Variants in ANKRD17 observed in about 807,000 individuals in gnomAD.
The protein encoded by ANKRD17 is ankyrin repeat domain-containing protein 17.
A neutral mutation model predicts 229.7 loss-of-function variants in ANKRD17; 19 were observed. The observed-to-expected ratio is 0.08, with a 90% CI of 0.06 to 0.12. The LOEUF is 0.12. Ranked by LOEUF, ANKRD17 falls within the 10% of genes least tolerant of loss-of-function variation. The pLI, the probability that ANKRD17 is intolerant of heterozygous loss-of-function variation, is 1.00. For missense variants in ANKRD17, 2,176 were observed against 3,176.8 expected (o/e 0.68, Z 7.57); for synonymous variants, 1,112 against 1,146.1 (o/e 0.97, Z 0.60).
At chr4:73,243,279 A>G (rs983837317) in intron 1 of ANKRD17, among the ~76,000 whole-genome samples, 1 of 152,346 alleles carries the variant, frequency 6.6e-6, no homozygotes, top group African/African-American at 2.4e-5. Context: ...TTTCAGAAAG[A>G]TTAGCCTAAT....
intron 25 of ANKRD17, chr4:73,101,103 T>C: frequency 3.5e-6 from 3 of 846,650 alleles, no homozygotes; most frequent in Non-Finnish European, 4.3e-6. Flanking sequence ...TTTATGCAAA[T>C]ATTACACCAT....
chr4:73,121,693 G>C lies in ANKRD17; in HGVS notation c.3559C>G (p.Leu1187Val). ...EHRNVSDYTP[L>V]SLAASGGYVN... is the part of the protein sequence containing the mutation. ...TAGCCACCAGAAGCAGCCAGACTTA[G>C]AGGTGTGTAATCAGAAACATTCCTG... Residue 1187 changes from leucine to valine, a missense_variant, in exon 19 of 34, where the codon CTA (leucine) becomes GTA (valine). This residue lies in a region of ANKRD17 where 178 missense variants were observed against 421.7 expected (regional missense o/e 0.42). Coordinates refer to ENST00000358602, the MANE Select transcript of ANKRD17 (RefSeq NM_032217.5). The C allele has an allele frequency of 1.2e-6, 2 of 1,613,754 alleles. No homozygotes were observed. Among genetic ancestry groups the C allele is most frequent in the Non-Finnish European group, 1.7e-6 (2 of 1,179,806 alleles).
intron 16 of ANKRD17, among the ~76,000 whole-genome samples, chr4:73,130,858 G>A (rs995481731): frequency 3.3e-5 from 5 of 152,048 alleles, no homozygotes; most frequent in African/African-American, 1.2e-4. Context: ...TTAACTTGTG[G>A]TATTCAGTTC....
chr4:73,191,339 A>ATGTGTGTGTGTGTGTGTGTGTGTGTG (rs1203366910), intron 1 of ANKRD17, among the ~76,000 whole-genome samples: 26 of 60,852 alleles, frequency 4.3e-4, no homozygotes, highest in South Asian at 3.9e-3. Context: ...CAAAAAATAT[A>ATGTGTGTGTGTGTGTGTGTGTGTGTG]TATGTGTGTG....
At chr4:73,174,610 C>G (rs1734491754) in intron 2 of ANKRD17, among the ~76,000 whole-genome samples, 1 of 152,024 alleles carries the variant, frequency 6.6e-6, no homozygotes, top group African/African-American at 2.4e-5. Context: ...AACAGACAAC[C>G]AAACTGATAA....
At chr4:73,107,508 T>C (rs1286736874) in intron 24 of ANKRD17, among the ~76,000 whole-genome samples, 2 of 152,140 alleles carry the variant, frequency 1.3e-5, no homozygotes, top group African/African-American at 2.4e-5. Flanking sequence ...AGGTGATAAG[T>C]GCAATGTAAA....
chr4:73,157,065 TA>T (rs1731755784), intron 3 of ANKRD17, among the ~76,000 whole-genome samples: 1 of 152,168 alleles, frequency 6.6e-6, no homozygotes, highest in Admixed American at 6.5e-5. Flanking sequence ...AGAAAGAACA[TA>T]AAATTTTAAA....
At chr4:73,252,890 CAGA>C (rs1745149634) in intron 1 of ANKRD17, among the ~76,000 whole-genome samples, 1 of 151,968 alleles carries the variant, frequency 6.6e-6, no homozygotes, top group Non-Finnish European at 1.5e-5. Flanking sequence ...GTGAGTTTTT[CAGA>C]AGAACTGGAA....
At position 73,097,234 on chromosome 4, in the gene ANKRD17, A is replaced by G. The variant is rs1723400844; in HGVS notation, c.5060T>C (p.Leu1687Pro). ...ETISEGTSNS[L>P]STCTKSGPSP... ...TGGACCAGATTTTGTACAAGTAGATAGAGAATTACTGGTCCCTTCACTGAT... is the reference window on the plus strand; with the variant it reads ...TGGACCAGATTTTGTACAAGTAGATGGAGAATTACTGGTCCCTTCACTGAT... The change falls in exon 27 of 34, where the codon CTA (leucine) becomes CCA (proline). Residue 1687 changes from leucine (L) to proline (P), a missense_variant. Physicochemically the swap from Leu to Pro is moderately conservative, Grantham distance 98. Coordinates refer to ENST00000358602, the MANE Select transcript of ANKRD17 (RefSeq NM_032217.5). 1 of 1,604,228 alleles carries G rather than the reference A, an allele frequency of 6.2e-7. No homozygotes were observed.
At chr4:73,133,914 T>C (rs1009173778) in intron 16 of ANKRD17, among the ~76,000 whole-genome samples, 1 of 152,158 alleles carries the variant, frequency 6.6e-6, no homozygotes, top group Non-Finnish European at 1.5e-5. Flanking sequence ...CTAAATGAAG[T>C]GACTAAACAA....
At chr4:73,136,174 GT>G (rs1048001557) in intron 15 of ANKRD17, among the ~76,000 whole-genome samples, 1 of 152,082 alleles carries the variant, frequency 6.6e-6, no homozygotes, top group African/African-American at 2.4e-5. Context: ...TATTTCTGGA[GT>G]TGATAGGTGA....
chr4:73,098,835 G>A, intron 25 of ANKRD17: 2 of 1,528,206 alleles, frequency 1.3e-6, no homozygotes, highest in Non-Finnish European at 1.8e-6. Context: ...AGTGAGTCGA[G>A]CTTGAAGTCC....
At chr4:73,078,336 C>G (rs997923546) in intron 31 of ANKRD17, among the ~76,000 whole-genome samples, 1 of 151,612 alleles carries the variant, frequency 6.6e-6, no homozygotes, top group Non-Finnish European at 1.5e-5. Context: ...GAGATTGTGC[C>G]GCTGCAGTCC....
At chr4:73,144,723 C>G (rs1480990861) in intron 11 of ANKRD17, 22 bp downstream of exon 11, 1 of 1,495,790 alleles carries the variant, frequency 6.7e-7, no homozygotes, top group East Asian at 2.4e-5. Context: ...CAAAAAAAGA[C>G]AACTGTTTTA....
chr4:73,128,590 G>T (rs139634819), intron 16 of ANKRD17, among the ~76,000 whole-genome samples: 165 of 152,206 alleles, frequency 1.1e-3, no homozygotes, highest in African/African-American at 3.7e-3. Context: ...TATATTCAAA[G>T]CACTCTACTA....
chr4:73,118,878 G>GTTTT, intron 21 of ANKRD17, 28 bp from the exon 22 acceptor site: 1 of 946,396 alleles, frequency 1.1e-6, no homozygotes, highest in Non-Finnish European at 1.5e-6. Context: ...AGATAGCATT[G>GTTTT]TCTTTTTTTT....
chr4:73,151,132 T>C (rs1578200028), intron 7 of ANKRD17, among the ~76,000 whole-genome samples: 1 of 152,274 alleles, frequency 6.6e-6, no homozygotes, highest in Non-Finnish European at 1.5e-5. Context: ...CACCTTGGTC[T>C]CCCAAAATGC....
At chr4:73,193,770 C>CA (rs1300830580) in intron 1 of ANKRD17, among the ~76,000 whole-genome samples, 1 of 152,004 alleles carries the variant, frequency 6.6e-6, no homozygotes, top group East Asian at 1.9e-4. Context: ...CCCATCTCCA[C>CA]AAAAAATACA....
At chr4:73,124,084 G>A (rs1392537355) in intron 18 of ANKRD17, among the ~76,000 whole-genome samples, 2 of 151,476 alleles carry the variant, frequency 1.3e-5, no homozygotes, top group East Asian at 3.9e-4. Context: ...AAGAACTGTG[G>A]GGAAACAAAA....
Sources: gnomAD v4.1 joint callset for allele counts (sites outside exome capture counted in the v4.1 genomes callset) on GRCh38, gnomAD v4.1.1 for gene constraint, gnomAD v4.1.1 regional missense constraint, MANE v1.5 for transcripts, NCBI Gene and HGNC (gene_info 2026-07-23, HGNC 2026-07-21) for gene names.